NPR3: variants seen among roughly 807,000 people sequenced by gnomAD.
NPR3 encodes atrial natriuretic peptide receptor 3.
A neutral mutation model predicts 54.5 loss-of-function variants in NPR3; 34 were observed. The ratio of observed to expected loss-of-function variants is 0.62; its 90% CI spans 0.47 to 0.83. The LOEUF (loss-of-function observed/expected upper bound fraction) is 0.83, where lower values mean the gene tolerates loss of function less well. NPR3 is among the 40% of genes least tolerant of loss of function. NPR3 has a pLI of 0.00. For missense variants in NPR3, 674 were observed against 720.8 expected (o/e 0.94, Z 0.74); for synonymous variants, 289 against 297.1 (o/e 0.97, Z 0.28).
chr5:32,789,880 A>G lies in NPR3; in HGVS notation c.*3535A>G. ...GAAATCTCTTTGGGAGATCAAATAG[A>G]GTATTATGCCACTGTGAGTGTTTAT... On this transcript the variant is annotated 3_prime_UTR_variant, in exon 8 of 8. Transcript: ENST00000265074. The G allele has an allele frequency of 4.7e-6, 2 of 429,212 alleles. No homozygotes were observed. The highest frequency in any genetic ancestry group is 9.5e-6 in the Non-Finnish European group (2 of 211,484). 26.6% of individuals were successfully genotyped at this position (429,212 alleles called of 1,614,324 possible). A position where few individuals can be genotyped will look rare whatever the true frequency, so the allele number is the denominator to read the frequency against.
rs1491132243 is a variant in NPR3 at position 32,719,786 on chromosome 5, TTG to T, written c.770-4910_770-4909del. Among the ~76,000 whole-genome samples the T allele has an allele frequency of 4.3e-3, 416 of 97,490 alleles. 9 individuals are homozygous for T. Among genetic ancestry groups the T allele is most frequent in the African/African-American group, 0.013 (363 of 27,866 alleles). The allele number at this position is 97,490 out of a possible 152,430, so 64.0% of individuals were successfully genotyped here. A position where few individuals can be genotyped will look rare whatever the true frequency, so the allele number is the denominator to read the frequency against. On this transcript the variant is annotated intron_variant, in intron 1 of 7. Transcript: ENST00000265074. ...CTTCTATTTACCACCTATGTTGTTG[TTG>T]TTTTTTTTTTTTTGTAATTCATCTT...
chr5:32,780,804 G>T lies in NPR3; in HGVS notation c.1278G>T (p.Ala426=), dbSNP rs540192375. Residue 426 remains alanine, a synonymous_variant, in exon 5 of 8, where the codon GCG becomes GCT. Coordinates refer to ENST00000265074, the MANE Select transcript of NPR3 (RefSeq NM_001204375.2). ...FSVIAMTDVE[A]GTQEVIGDYF... ...TGATTGCCATGACTGATGTGGAGGC[G>T]GGCACCCAGGAGGTGAGCACGTGAG... is the stretch of plus-strand genomic sequence containing the variant. 1 of 1,557,908 alleles carries T rather than the reference G, an allele frequency of 6.4e-7. No homozygotes were observed. Among genetic ancestry groups the T allele is most frequent in the African/African-American group, 1.4e-5 (1 of 73,816 alleles).
At chr5:32,768,470 A>G (rs183093395) in intron 3 of NPR3, among the ~76,000 whole-genome samples, 5 of 152,300 alleles carry the variant, frequency 3.3e-5, no homozygotes, top group Admixed American at 3.3e-4. Context: ...TGTGCTCCAT[A>G]CCCACCAATT....
rs1002085719 is a variant in NPR3 at position 32,711,684 on chromosome 5, C to A, written c.-93C>A. ...AAAGCGCCCAAGGGGGCGCAGGGAC[C>A]TTGGAGAGAAGAGTGGGGAGGAAAG... On this transcript the variant is annotated 5_prime_UTR_variant, in exon 1 of 8. Coordinates refer to ENST00000265074, the MANE Select transcript of NPR3 (RefSeq NM_001204375.2). 1 of 1,351,300 alleles carries A rather than the reference C, an allele frequency of 7.4e-7. No homozygotes were observed. The highest frequency in any genetic ancestry group is 9.5e-7 in the Non-Finnish European group (1 of 1,056,622). 83.7% of individuals were successfully genotyped at this position (1,351,300 alleles called of 1,614,324 possible).
chr5:32,696,662 C>A (rs1253102789), intron 1 of NPR3, among the ~76,000 whole-genome samples: 1 of 152,044 alleles, frequency 6.6e-6, no homozygotes, highest in Non-Finnish European at 1.5e-5. Flanking sequence ...TTTGTTGTGT[C>A]ATCTTCAATT....
At chr5:32,752,239 A>T (rs990790826) in intron 3 of NPR3, among the ~76,000 whole-genome samples, 2 of 145,298 alleles carry the variant, frequency 1.4e-5, no homozygotes, top group Non-Finnish European at 3.0e-5. Context: ...AAACAAAAAC[A>T]AAAACAAAAA....
upstream of NPR3, chr5:32,709,882 G>A (rs2111831139): frequency 1.3e-5 from 2 of 152,282 alleles, 1 homozygote; most frequent in Middle Eastern, 6.8e-3. Context: ...CACCCGGGTT[G>A]AGTCGGGTGC....
intron 3 of NPR3, among the ~76,000 whole-genome samples, chr5:32,758,632 T>C (rs1358618091): frequency 6.6e-6 from 1 of 152,188 alleles, no homozygotes; most frequent in Non-Finnish European, 1.5e-5. Context: ...TAGTTATTTC[T>C]TGCCTTCTGC....
At position 32,786,420 on chromosome 5, in the gene NPR3, A is replaced by G. The variant is rs1742635500; in HGVS notation, c.*75A>G. 1 of 670,614 alleles carries G rather than the reference A, an allele frequency of 1.5e-6. No individual in the cohort carries two copies. Among genetic ancestry groups the G allele is most frequent in the Admixed American group, 2.9e-5 (1 of 34,030 alleles). 41.5% of individuals were successfully genotyped at this position (670,614 alleles called of 1,614,324 possible). On this transcript the variant is annotated 3_prime_UTR_variant, in exon 8 of 8. Transcript: ENST00000265074. ...AGACGGGTTGAAAGACATCAATGAA[A>G]CAGAAGGGGCGTTCTTGAAGAATTC...
At chr5:32,719,705 G>A (rs62369525) in intron 1 of NPR3, among the ~76,000 whole-genome samples, 45,503 of 150,460 alleles carry the variant, frequency 0.3, 7,262 homozygotes, top group Non-Finnish European at 0.35. Context: ...CCTATTTCTA[G>A]GTTTCTTTCT....
In NPR3 at chr5:32,733,611, C is replaced by T. The variant is rs556721344; in HGVS notation, c.893-5253C>T. On this transcript the variant is annotated intron_variant, in intron 2 of 7. Transcript: ENST00000265074. The stretch of plus-strand genomic sequence containing the variant: ...GATGGGCAAAAATTAAATTATTTGA[C>T]TGGCTAAAAATGGAAAAATAACAGA... Among the ~76,000 whole-genome samples the T allele has an allele frequency of 2.0e-5, 3 of 152,206 alleles. No homozygotes were observed. In the East Asian group the frequency reaches 5.8e-4, roughly 29 times the overall value.
At chr5:32,695,988 G>C (rs773427866) in intron 1 of NPR3, among the ~76,000 whole-genome samples, 1 of 152,116 alleles carries the variant, frequency 6.6e-6, no homozygotes, top group Non-Finnish European at 1.5e-5. Context: ...TCACTTTGTT[G>C]GTTGTTTCCT....
intron 2 of NPR3, among the ~76,000 whole-genome samples, chr5:32,733,731 C>T (rs147929360): frequency 6.6e-4 from 101 of 152,302 alleles, no homozygotes; most frequent in African/African-American, 2.3e-3. Flanking sequence ...AAAGAATTCT[C>T]ACATAATTCA....
chr5:32,738,834 G>C (rs1329837862), intron 2 of NPR3, 30 bp from the exon 3 acceptor site: 3 of 1,602,500 alleles, frequency 1.9e-6, no homozygotes, highest in South Asian at 2.2e-5. Flanking sequence ...GGCTGGCTTG[G>C]AATTATAAAT....
chr5:32,724,112 TTAACAC>T (rs1258968678), intron 1 of NPR3, among the ~76,000 whole-genome samples: 2 of 152,226 alleles, frequency 1.3e-5, no homozygotes, highest in Non-Finnish European at 2.9e-5. Context: ...AGTAAGAACT[TTAACAC>T]AAACAGAATT....
Position 32,768,428 on chromosome 5 carries a change from G to A in NPR3, c.1060-6280G>A, listed in dbSNP as rs117963550. On this transcript the variant is annotated intron_variant, in intron 3 of 7. Coordinates refer to ENST00000265074, the MANE Select transcript of NPR3 (RefSeq NM_001204375.2). The stretch of plus-strand genomic sequence containing the variant: ...TGACCATATTCCCTGCATGAGCCTT[G>A]GGAGAATTTTCAAAAGTCATTCTCA... Among the ~76,000 whole-genome samples the A allele has an allele frequency of 1.6e-4, 24 of 152,254 alleles. No individual in the cohort carries two copies. In the East Asian group the frequency reaches 4.4e-3, roughly 28 times the overall value.
At chr5:32,774,238 A>T (rs113943364) in intron 3 of NPR3, among the ~76,000 whole-genome samples, 45 of 152,362 alleles carry the variant, frequency 3.0e-4, no homozygotes, top group African/African-American at 8.2e-4. Context: ...ACTCTAGTAG[A>T]TATCAACAGT....
Position 32,712,394 on chromosome 5 carries a change from C to A in NPR3, c.618C>A (p.Asp206Glu). Reference sequence around the variant, plus strand: ...GCCGCGCTGCACTGGTCTACAGCGACGACAAGCTGGAGCGGAACTGCTACT... The same window carrying A: ...GCCGCGCTGCACTGGTCTACAGCGAAGACAAGCTGGAGCGGAACTGCTACT... ...HWSRAALVYS[D>E]DKLERNCYFT... is the part of the protein sequence containing the mutation. The change falls in exon 1 of 8, where the codon GAC (aspartate) becomes GAA (glutamate). Residue 206 changes from aspartate to glutamate, a missense_variant. Transcript: ENST00000265074. 6.2e-7 allele frequency: 1 copy of A among 1,613,294 alleles called. No individual in the cohort carries two copies. The highest frequency in any genetic ancestry group is 1.3e-5 in the African/African-American group (1 of 75,064).
At chr5:32,741,944 G>A (rs1252225926) in intron 3 of NPR3, among the ~76,000 whole-genome samples, 1 of 151,676 alleles carries the variant, frequency 6.6e-6, no homozygotes, top group Admixed American at 6.6e-5. Context: ...TAGGTTAGAC[G>A]AGTGATCCTG....
Sources: gnomAD v4.1 joint callset for allele counts (sites outside exome capture counted in the v4.1 genomes callset) on GRCh38, gnomAD v4.1.1 for gene constraint, MANE v1.5 for transcripts, NCBI Gene and HGNC (gene_info 2026-07-23, HGNC 2026-07-21) for gene names.